Variants in ADCY1 observed in about 807,000 individuals in gnomAD.
The protein encoded by ADCY1 is adenylate cyclase type 1.
ADCY1 carries 28 observed loss-of-function variants against 105.4 expected under a neutral mutation model. That is an observed-to-expected ratio of 0.27 (90% CI 0.20 to 0.36). The LOEUF is 0.36. ADCY1 is among the 10% of genes least tolerant of loss of function. The pLI is 1.00. For synonymous variants in ADCY1, 655 were observed against 623.8 expected (o/e 1.05, Z -0.75); for missense variants, 977 against 1,434.2 (o/e 0.68, Z 5.15).
intron 8 of ADCY1, among the ~76,000 whole-genome samples, chr7:45,665,478 C>T (rs1222740002): frequency 3.9e-5 from 6 of 152,260 alleles, no homozygotes; most frequent in Admixed American, 2.6e-4. Context: ...CTAATAGGTA[C>T]ACCCAGAAGC....
At chr7:45,712,353 G>A (rs1433961819) in intron 19 of ADCY1, among the ~76,000 whole-genome samples, 1 of 150,658 alleles carries the variant, frequency 6.6e-6, no homozygotes, top group East Asian at 1.9e-4. Flanking sequence ...CTTCATGGGA[G>A]CCCCATCCTG....
chr7:45,635,358 TTTAG>T (rs1028947933), intron 4 of ADCY1, among the ~76,000 whole-genome samples: 1 of 151,836 alleles, frequency 6.6e-6, no homozygotes, highest in African/African-American at 2.4e-5. Flanking sequence ...ATTTTTTCTA[TTTAG>T]TTTCTTTTCG....
chr7:45,655,765 G>A (rs966294296), intron 5 of ADCY1, among the ~76,000 whole-genome samples: 2 of 152,136 alleles, frequency 1.3e-5, no homozygotes, highest in African/African-American at 4.8e-5. Flanking sequence ...AGGGGATCTG[G>A]GGATGAAGGT....
rs761761091 is a variant in ADCY1 at position 45,610,399 on chromosome 7, C to A, written c.810C>A (p.Leu270=). ...NEKQERLLMS[L]LPRNVAMEMK... The stretch of plus-strand genomic sequence containing the variant: ...TCCAGGAGCGGCTCCTCATGAGCCT[C>A]CTGCCCCGGAACGTTGCCATGGAGA... The change falls in exon 3 of 20, where the codon CTC becomes CTA. Residue 270 remains leucine (L), a synonymous_variant. Coordinates refer to ENST00000297323, the MANE Select transcript of ADCY1 (RefSeq NM_021116.4). 2.5e-6 allele frequency: 4 copies of A among 1,613,708 alleles called. No homozygotes were observed. In the African/African-American group the frequency reaches 5.3e-5, roughly 22 times the overall value.
In ADCY1 at chr7:45,716,565, C is replaced by G. The variant is rs1007153154; in HGVS notation, c.*2570C>G. The G allele has an allele frequency of 6.6e-6, 1 of 152,670 alleles. No homozygotes were observed. Among genetic ancestry groups the G allele is most frequent in the Non-Finnish European group, 1.5e-5 (1 of 68,424 alleles). The allele number at this position is 152,670 out of a possible 1,614,324, so 9.5% of individuals were successfully genotyped here. ...TCACCGTGGTGCTGTCCTTGACCCA[C>G]GAGCTGTTGAGAAGGGTGCAGAGCC... is the stretch of plus-strand genomic sequence containing the variant. On this transcript the variant is annotated 3_prime_UTR_variant, in exon 20 of 20. Transcript: ENST00000297323.
At chr7:45,639,594 G>T (rs1441198981) in intron 4 of ADCY1, among the ~76,000 whole-genome samples, 1 of 152,224 alleles carries the variant, frequency 6.6e-6, no homozygotes, top group Non-Finnish European at 1.5e-5. Context: ...AAGTGGATGG[G>T]AGCACAGCCC....
Position 45,574,621 on chromosome 7 carries a change from G to T in ADCY1, c.78G>T (p.Gly26=). The change falls in exon 1 of 20, where the codon GGG becomes GGT. Residue 26 remains glycine, a synonymous_variant. Coordinates refer to ENST00000297323, the MANE Select transcript of ADCY1 (RefSeq NM_021116.4). The surrounding 1 kb of genome is among the most constrained non-coding windows in gnomAD (Gnocchi z 7.0). The stretch of plus-strand genomic sequence containing the variant: ...CCGGGGGCGCCGAGCGGGCGGCCGG[G>T]ACAAGCCGCCGGCGCGGGCTCCGGG... The part of the protein sequence containing the change: ...GEPGGAERAA[G]TSRRRGLRAC... 5.9e-6 allele frequency: 7 copies of T among 1,186,600 alleles called. No individual in the cohort carries two copies. The highest frequency in any genetic ancestry group is 7.3e-6 in the Non-Finnish European group (7 of 960,284). The allele number at this position is 1,186,600 out of a possible 1,614,324, so 73.5% of individuals were successfully genotyped here.
rs1056467540 is a variant in ADCY1 at position 45,653,699 on chromosome 7, C to CT, written c.1149-4025dup. Reference sequence around the variant, plus strand: ...TTTGAGTCCCTCTCCCCCACTGGGGCTTTGCTCTGTGTGAGGTCTGTGCTC... The same window carrying CT: ...TTTGAGTCCCTCTCCCCCACTGGGGCTTTTGCTCTGTGTGAGGTCTGTGCTC... On this transcript the variant is annotated intron_variant, in intron 5 of 19. Transcript: ENST00000297323. Among the ~76,000 whole-genome samples the CT allele has an allele frequency of 4.6e-5, 7 of 152,332 alleles. No individual in the cohort carries two copies. In the South Asian group the frequency reaches 8.3e-4, roughly 18 times the overall value.
chr7:45,657,993 T>A, intron 6 of ADCY1, 108 bp downstream of exon 6: 1 of 1,273,800 alleles, frequency 7.9e-7, no homozygotes, highest in Non-Finnish European at 1.1e-6. Context: ...GGCACTTGTG[T>A]GAGTGCTCCT....
intron 7 of ADCY1, 123 bp from the exon 8 acceptor site, chr7:45,661,936 C>T (rs764168081): frequency 2.1e-5 from 25 of 1,214,852 alleles, no homozygotes; most frequent in South Asian, 9.0e-5. Flanking sequence ...TTGAAGTAGG[C>T]GCTGAGCAAA....
At chr7:45,625,691 TGTGA>T (rs1239990612) in intron 4 of ADCY1, among the ~76,000 whole-genome samples, 1 of 151,922 alleles carries the variant, frequency 6.6e-6, no homozygotes, top group Non-Finnish European at 1.5e-5. Flanking sequence ...TGTGTACCTG[TGTGA>T]GTGTGCATCT....
chr7:45,720,126 TTC>T lies in ADCY1; in HGVS notation c.*6138_*6139del, dbSNP rs1052376036. The stretch of plus-strand genomic sequence containing the variant: ...CCCAGCTGAGTGTCTGTCAGCTTCA[TTC>T]TCTCTCAGCTGTGCAGTGGAAGAGC... On this transcript the variant is annotated 3_prime_UTR_variant, in exon 20 of 20. Transcript: ENST00000297323. 10 of 152,124 alleles carry T rather than the reference TTC, an allele frequency of 6.6e-5. No individual in the cohort carries two copies. The highest frequency in any genetic ancestry group is 1.9e-4 in the African/African-American group (8 of 41,414). The allele number at this position is 152,124 out of a possible 1,614,324, so 9.4% of individuals were successfully genotyped here. A position where few individuals can be genotyped will look rare whatever the true frequency, so the allele number is the denominator to read the frequency against.
chr7:45,580,560 A>G (rs1250488604), intron 1 of ADCY1, among the ~76,000 whole-genome samples: 1 of 152,218 alleles, frequency 6.6e-6, no homozygotes, highest in East Asian at 1.9e-4. Context: ...CCCACAGGGC[A>G]GGACATTCAG....
intron 3 of ADCY1, among the ~76,000 whole-genome samples, chr7:45,614,980 A>C (rs1312936580): frequency 1.3e-5 from 2 of 152,230 alleles, no homozygotes; most frequent in Non-Finnish European, 2.9e-5. Context: ...TCCAGACAAG[A>C]TCAAAAAGAA....
At position 45,610,289 on chromosome 7, in the gene ADCY1, G is replaced by A. The variant is rs562055875; in HGVS notation, c.790-90G>A. ...GGACGTGGGCCTACCCAGGCTCAGGGGCCCGGCGCCCTTACTGGGGAGGGT... is the reference window on the plus strand; with the variant it reads ...GGACGTGGGCCTACCCAGGCTCAGGAGCCCGGCGCCCTTACTGGGGAGGGT... On this transcript the variant is annotated intron_variant, in intron 2 of 19. Coordinates refer to ENST00000297323, the MANE Select transcript of ADCY1 (RefSeq NM_021116.4). 702 of 1,185,102 alleles carry A rather than the reference G, an allele frequency of 5.9e-4. 9 individuals are homozygous for A. In the African/African-American group the frequency reaches 9.0e-3, roughly 15 times the overall value. The allele number at this position is 1,185,102 out of a possible 1,614,324, so 73.4% of individuals were successfully genotyped here.
Position 45,575,563 on chromosome 7 carries a change from C to T in ADCY1, c.639+381C>T, listed in dbSNP as rs1792311672. Among the ~76,000 whole-genome samples, 1 of 152,262 alleles carries T rather than the reference C, an allele frequency of 6.6e-6. No homozygotes were observed. The highest frequency in any genetic ancestry group is 2.4e-5 in the African/African-American group (1 of 41,472). On this transcript the variant is annotated intron_variant, in intron 1 of 19. Coordinates refer to ENST00000297323, the MANE Select transcript of ADCY1 (RefSeq NM_021116.4). This position sits in a 1 kb window ranked among gnomAD's most constrained non-coding sequence, Gnocchi z 4.7. ...TGAAAGTGGGCGAGGAGAGCAGACC[C>T]CCAGGGCAAGCTCCAAGGCCGGCTC...
At chr7:45,605,758 A>G (rs1793356721) in intron 2 of ADCY1, among the ~76,000 whole-genome samples, 1 of 152,128 alleles carries the variant, frequency 6.6e-6, no homozygotes. Flanking sequence ...TTATTTAGTC[A>G]TTCTTATGAT....
At chr7:45,706,658 T>A (rs1221025151) in intron 17 of ADCY1, among the ~76,000 whole-genome samples, 1 of 152,136 alleles carries the variant, frequency 6.6e-6, no homozygotes, top group Non-Finnish European at 1.5e-5. Flanking sequence ...AATGACTTTT[T>A]AAATACAATA....
In ADCY1 at chr7:45,575,906, G is replaced by T. The variant is rs2115684207; in HGVS notation, c.639+724G>T. Reference sequence around the variant, plus strand: ...ACGGGGACGCTGTCTGCCTCCCGCGGACTCTTCCTGGGCCCTGGAGGAGCC... The same window carrying T: ...ACGGGGACGCTGTCTGCCTCCCGCGTACTCTTCCTGGGCCCTGGAGGAGCC... On this transcript the variant is annotated intron_variant, in intron 1 of 19. Transcript: ENST00000297323. This position sits in a 1 kb window ranked among gnomAD's most constrained non-coding sequence, Gnocchi z 4.7. Among the ~76,000 whole-genome samples, 1 of 152,384 alleles carries T rather than the reference G, an allele frequency of 6.6e-6. No individual in the cohort carries two copies. Among genetic ancestry groups the T allele is most frequent in the South Asian group, 2.1e-4 (1 of 4,834 alleles).
Sources: gnomAD v4.1 joint callset for allele counts (sites outside exome capture counted in the v4.1 genomes callset) on GRCh38, gnomAD v4.1.1 for gene constraint, Gnocchi (gnomAD v3.1) non-coding constraint, MANE v1.5 for transcripts, NCBI Gene and HGNC (gene_info 2026-07-23, HGNC 2026-07-21) for gene names.